The following MYO15B variants were observed in gnomAD, a reference collection of about 807,000 sequenced individuals.
MYO15B encodes myosin XVB.
MYO15B carries 207 observed loss-of-function variants against 119.3 expected under a neutral mutation model. The ratio of observed to expected loss-of-function variants is 1.73; its 90% CI spans 1.55 to 1.95. MYO15B has a LOEUF of 1.95. Ranked by LOEUF, MYO15B falls within the 30% of genes most tolerant of loss-of-function variation. The pLI is 0.00. For synonymous variants in MYO15B, 966 were observed against 498.9 expected (o/e 1.94, Z -12.48); for missense variants, 2,264 against 1,203.1 (o/e 1.88, Z -13.04).
exon 21 of MYO15B, chr17:75,605,958 C>T (rs1181699794): frequency 1.4e-6 from 1 of 702,748 alleles, no homozygotes; most frequent in Non-Finnish European, 2.6e-6. Flanking sequence ...AGCTTCCACA[C>T]CTGCATCTCC....
chr17:75,612,056 G>A (rs1217407658), intron 25 of MYO15B, 40 bp downstream of exon 25: 14 of 699,060 alleles, frequency 2.0e-5, no homozygotes, highest in South Asian at 7.4e-5. Context: ...TGGCCTCACC[G>A]CTCTGAGTTA....
chr17:75,616,902 GA>G lies in MYO15B; in HGVS notation c.6536del (p.Asp2179AlafsTer95). The G allele has an allele frequency of 1.4e-6, 1 of 702,970 alleles. No individual in the cohort carries two copies. Among genetic ancestry groups the G allele is most frequent in the Non-Finnish European group, 2.6e-6 (1 of 384,998 alleles). 43.5% of individuals were successfully genotyped at this position (702,970 alleles called of 1,614,324 possible). A position where few individuals can be genotyped will look rare whatever the true frequency, so the allele number is the denominator to read the frequency against. On this transcript the variant is annotated frameshift_variant, in exon 40 of 64. Transcript: ENST00000645453. LOFTEE classifies it high-confidence loss of function. ...TCCCAAAGCTTTCCTGAGGAAAATC[GA>G]CCCCAAGGACGAGGCTCTGGCCAAG...
chr17:75,611,756 A>G (rs920905287), intron 24 of MYO15B, 98 bp downstream of exon 24: 2 of 695,526 alleles, frequency 2.9e-6, no homozygotes, highest in Non-Finnish European at 5.3e-6. Flanking sequence ...GATGCTCCAG[A>G]CTCCCCTGAG....
chr17:75,596,927 C>T, intron 14 of MYO15B, 28 bp downstream of exon 14: 1 of 676,082 alleles, frequency 1.5e-6, no homozygotes, highest in South Asian at 1.6e-5. Flanking sequence ...GACCCCCCAC[C>T]CAGTGTCGGG....
chr17:75,588,706 G>A (rs2056217305), exon 1 of MYO15B: 1 of 399,358 alleles, frequency 2.5e-6, no homozygotes, highest in Non-Finnish European at 4.4e-6. Context: ...GCCCCACGCA[G>A]ATACCCGGGG....
chr17:75,595,031 T>A, intron 12 of MYO15B, 59 bp downstream of exon 12: 3 of 690,284 alleles, frequency 4.3e-6, no homozygotes, highest in Non-Finnish European at 7.9e-6. Context: ...GATGGATTTC[T>A]GGGACCCCCA....
At chr17:75,623,756 C>A (rs1417595648) in intron 53 of MYO15B, 25 bp from the exon 54 acceptor site, 2 of 702,822 alleles carry the variant, frequency 2.8e-6, no homozygotes, top group Non-Finnish European at 5.2e-6. Flanking sequence ...ATCCCTCACC[C>A]CACCTGCCCT....
chr17:75,615,505 A>G (rs1485616207), exon 35 of MYO15B: 2 of 694,538 alleles, frequency 2.9e-6, no homozygotes, highest in East Asian at 2.7e-5. Context: ...CCTCACAGCC[A>G]TGGTGGTGCC....
chr17:75,595,152 G>T lies in MYO15B; in HGVS notation c.3297+180G>T, dbSNP rs56182435. 12,238 of 607,622 alleles carry T rather than the reference G, an allele frequency of 0.02. 990 individuals are homozygous for T. Among genetic ancestry groups the T allele is most frequent in the African/African-American group, 0.18 (9,973 of 54,076 alleles). The allele number at this position is 607,622 out of a possible 1,614,324, so 37.6% of individuals were successfully genotyped here. A position where few individuals can be genotyped will look rare whatever the true frequency, so the allele number is the denominator to read the frequency against. ...TGAGCCTGCTGGGGTGGGGTGCAGG[G>T]ATGGAGAGGTAAAGGAGTGGGGCTG... On this transcript the variant is annotated intron_variant, in intron 12 of 63. Coordinates refer to ENST00000645453, the Ensembl canonical transcript of MYO15B.
intron 63 of MYO15B, 37 bp downstream of exon 63, chr17:75,626,265 G>T: frequency 1.4e-6 from 1 of 701,166 alleles, no homozygotes; most frequent in Non-Finnish European, 2.6e-6. Context: ...TGCGAAGGTG[G>T]ATGTGAGGGC....
chr17:75,624,788 C>T (rs920054356), exon 59 of MYO15B: 1 of 702,980 alleles, frequency 1.4e-6, no homozygotes, highest in Non-Finnish European at 2.6e-6. Context: ...GGTGCGGCCC[C>T]TGCAGCCCGC....
chr17:75,588,939 C>T (rs1387428898), exon 1 of MYO15B: 4 of 398,170 alleles, frequency 1.0e-5, no homozygotes, highest in Non-Finnish European at 1.8e-5. Flanking sequence ...CAATGCAGGC[C>T]TCGACGGCCC....
intron 24 of MYO15B, 56 bp downstream of exon 24, chr17:75,611,714 G>A (rs1466044564): frequency 1.4e-6 from 1 of 702,050 alleles, no homozygotes; most frequent in Non-Finnish European, 2.6e-6. Flanking sequence ...CTTTACTGTG[G>A]GGTGTGTCTG....
At chr17:75,599,935 T>C (rs2057139045) in intron 14 of MYO15B, among the ~76,000 whole-genome samples, 1 of 150,054 alleles carries the variant, frequency 6.7e-6, no homozygotes, top group Non-Finnish European at 1.5e-5. Flanking sequence ...AATAAATAAA[T>C]ACAAGCGCAT....
rs554512701 is a variant in MYO15B at position 75,611,876 on chromosome 17, T to C, written c.4505-10T>C. The C allele has an allele frequency of 4.0e-5, 28 of 702,942 alleles. No homozygotes were observed. Among genetic ancestry groups the C allele is most frequent in the African/African-American group, 2.4e-4 (14 of 57,376 alleles). The allele number at this position is 702,942 out of a possible 1,614,324, so 43.5% of individuals were successfully genotyped here. On this transcript the variant is annotated splice_polypyrimidine_tract_variant and intron_variant, in intron 24 of 63. Coordinates refer to ENST00000645453, the Ensembl canonical transcript of MYO15B. ...ATGCTCCTGGGCTGCCTCCCGGTGC[T>C]TGTTCCCAGGCCATCGGGACGCCCT...
rs1185376369 is a variant in MYO15B, at chr17:75,615,677, G to C, written c.5839-16G>C. 7 of 670,984 alleles carry C rather than the reference G, an allele frequency of 1.0e-5. No individual in the cohort carries two copies. Among genetic ancestry groups the C allele is most frequent in the Non-Finnish European group, 1.6e-5 (6 of 366,326 alleles). The allele number at this position is 670,984 out of a possible 1,614,324, so 41.6% of individuals were successfully genotyped here. A position where few individuals can be genotyped will look rare whatever the true frequency, so the allele number is the denominator to read the frequency against. On this transcript the variant is annotated splice_polypyrimidine_tract_variant and intron_variant, in intron 35 of 63. Transcript: ENST00000645453. ...TCGGGGATGAGGGTCTGAACTGGCT[G>C]CTCCTCCTGCTTCAGGCCCAGCAGA...
intron 21 of MYO15B, among the ~76,000 whole-genome samples, chr17:75,608,984 G>A (rs533556136): frequency 7.3e-5 from 11 of 151,532 alleles, no homozygotes; most frequent in East Asian, 4.0e-4. Context: ...TGCCCGCCTC[G>A]GTCTCCCAAA....
chr17:75,615,831 A>G, exon 36 of MYO15B: 1 of 702,290 alleles, frequency 1.4e-6, no homozygotes, highest in East Asian at 2.7e-5. Flanking sequence ...GAAGCCCCCC[A>G]CACCCCCGGA....
At position 75,600,085 on chromosome 17, in the gene MYO15B, G is replaced by A. The variant is rs187599535; in HGVS notation, c.3526-1353G>A. 1.3e-3 allele frequency among the ~76,000 whole-genome samples: 187 copies of A among 141,398 alleles called. 3 individuals carry two copies. Among genetic ancestry groups the A allele is most frequent in the Non-Finnish European group, 8.1e-4 (53 of 65,046 alleles). The allele number at this position is 141,398 out of a possible 152,430, so 92.8% of individuals were successfully genotyped here. A position where few individuals can be genotyped will look rare whatever the true frequency, so the allele number is the denominator to read the frequency against. On this transcript the variant is annotated intron_variant, in intron 14 of 63. Transcript: ENST00000645453. The stretch of plus-strand genomic sequence containing the variant: ...GTCGCCCAGGCTGGAGTGCAGTGGC[G>A]TGATCTCAGCTCACTGCTGCAAACT...
Sources: gnomAD v4.1 joint callset for allele counts (sites outside exome capture counted in the v4.1 genomes callset) on GRCh38, gnomAD v4.1.1 for gene constraint, MANE v1.5 for transcripts, NCBI Gene and HGNC (gene_info 2026-07-23, HGNC 2026-07-21) for gene names.